Variants in FSIP1 observed in about 807,000 individuals in gnomAD.
FSIP1 encodes the protein fibrous sheath-interacting protein 1.
A neutral mutation model predicts 60.9 loss-of-function variants in FSIP1; 65 were observed. The ratio of observed to expected loss-of-function variants is 1.07; its 90% CI spans 0.87 to 1.31. FSIP1 has a LOEUF of 1.31. Among genes scored for constraint, FSIP1 ranks in the 40% most tolerant of loss-of-function variants. FSIP1 has a pLI of 0.00. For synonymous variants in FSIP1, 209 were observed against 221.2 expected (o/e 0.94, Z 0.49); for missense variants, 675 against 665.5 (o/e 1.01, Z -0.16).
intron 10 of FSIP1, among the ~76,000 whole-genome samples, chr15:39,635,707 A>C (rs551908072): frequency 6.6e-6 from 1 of 152,310 alleles, no homozygotes; most frequent in East Asian, 1.9e-4. Context: ...GAATCCCATT[A>C]TCAGTAGCCA....
chr15:39,663,837 T>G (rs1373752693), intron 10 of FSIP1, among the ~76,000 whole-genome samples: 1 of 152,256 alleles, frequency 6.6e-6, no homozygotes, highest in Admixed American at 6.5e-5. Context: ...AGTGATCCTA[T>G]GCTCTATTTA....
intron 8 of FSIP1, among the ~76,000 whole-genome samples, chr15:39,730,649 C>T (rs1049047659): frequency 1.3e-5 from 2 of 152,136 alleles, no homozygotes; most frequent in African/African-American, 4.8e-5. Flanking sequence ...TGAGTCTTGG[C>T]AGGGGAGGAT....
At chr15:39,709,934 C>G (rs72727050) in intron 10 of FSIP1, among the ~76,000 whole-genome samples, 34,841 of 151,964 alleles carry the variant, frequency 0.23, 5,045 homozygotes, top group African/African-American at 0.39. Flanking sequence ...TTGGCCCAGG[C>G]GTGGGGGACC....
At chr15:39,697,507 T>C (rs1227524571) in intron 10 of FSIP1, among the ~76,000 whole-genome samples, 1 of 152,232 alleles carries the variant, frequency 6.6e-6, no homozygotes, top group Non-Finnish European at 1.5e-5. Context: ...TTCTGAGATA[T>C]TCTAACTTCA....
chr15:39,686,546 C>T (rs544799172), intron 10 of FSIP1, among the ~76,000 whole-genome samples: 6 of 152,308 alleles, frequency 3.9e-5, no homozygotes, highest in Admixed American at 3.3e-4. Context: ...ATATGTGTAA[C>T]TGAATTAAAA....
intron 10 of FSIP1, among the ~76,000 whole-genome samples, chr15:39,639,662 C>T (rs1471765762): frequency 1.3e-5 from 2 of 152,140 alleles, no homozygotes; most frequent in East Asian, 3.9e-4. Context: ...ATAAAGTATA[C>T]AGCAGTATAT....
At chr15:39,710,358 C>A (rs1374162953) in intron 10 of FSIP1, among the ~76,000 whole-genome samples, 3 of 151,236 alleles carry the variant, frequency 2.0e-5, no homozygotes, top group Non-Finnish European at 4.4e-5. Context: ...TGGCACACAC[C>A]TGTAGTCCTA....
chr15:39,727,749 C>T (rs1180640903), intron 8 of FSIP1, among the ~76,000 whole-genome samples: 1 of 152,100 alleles, frequency 6.6e-6, no homozygotes, highest in Non-Finnish European at 1.5e-5. Flanking sequence ...CCACTCTCAC[C>T]ACTCCTATTC....
At chr15:39,753,068 T>C (rs1227792420) in intron 5 of FSIP1, among the ~76,000 whole-genome samples, 1 of 152,158 alleles carries the variant, frequency 6.6e-6, no homozygotes, top group Non-Finnish European at 1.5e-5. Flanking sequence ...AATTTTTAAA[T>C]CTTCATGAAG....
intron 8 of FSIP1, among the ~76,000 whole-genome samples, chr15:39,737,050 C>G (rs888799891): frequency 2.0e-5 from 3 of 151,942 alleles, no homozygotes; most frequent in South Asian, 2.1e-4. Context: ...GGGCAGGGGG[C>G]CAGCAGCATT....
chr15:39,646,677 C>T (rs895251075), intron 10 of FSIP1, among the ~76,000 whole-genome samples: 4 of 147,812 alleles, frequency 2.7e-5, no homozygotes, highest in African/African-American at 1.0e-4. Flanking sequence ...GCATGGGATA[C>T]AGAGTGACAC....
intron 10 of FSIP1, among the ~76,000 whole-genome samples, chr15:39,643,022 T>A (rs1892441101): frequency 6.6e-6 from 1 of 152,240 alleles, no homozygotes; most frequent in Non-Finnish European, 1.5e-5. Flanking sequence ...GCCATACATT[T>A]GAATCAATAA....
intron 10 of FSIP1, among the ~76,000 whole-genome samples, chr15:39,633,271 G>A (rs139818626): frequency 6.6e-6 from 1 of 151,728 alleles, no homozygotes; most frequent in African/African-American, 2.4e-5. Context: ...TGTATTTTTA[G>A]TAGAGACGGG....
At chr15:39,652,200 G>A (rs1011098297) in intron 10 of FSIP1, among the ~76,000 whole-genome samples, 5 of 152,172 alleles carry the variant, frequency 3.3e-5, no homozygotes, top group Non-Finnish European at 7.3e-5. Flanking sequence ...GTCTGAAGGG[G>A]AGGATCGGGC....
At chr15:39,704,890 G>A (rs1386508916) in intron 10 of FSIP1, among the ~76,000 whole-genome samples, 2 of 152,076 alleles carry the variant, frequency 1.3e-5, no homozygotes, top group Non-Finnish European at 2.9e-5. Context: ...TCAGCAACAG[G>A]GCTTAGAGTG....
At chr15:39,705,862 C>G (rs1417271571) in intron 10 of FSIP1, among the ~76,000 whole-genome samples, 3 of 151,800 alleles carry the variant, frequency 2.0e-5, no homozygotes, top group African/African-American at 7.3e-5. Flanking sequence ...GCCGGGTGTG[C>G]TGGTGCATGC....
At chr15:39,617,582 T>C (rs1467956446) in intron 11 of FSIP1, among the ~76,000 whole-genome samples, 153 bp downstream of exon 11, 2 of 152,204 alleles carry the variant, frequency 1.3e-5, no homozygotes, top group African/African-American at 4.8e-5. Flanking sequence ...ATAAGAGCAT[T>C]GGGAAATAGG....
At chr15:39,704,698 T>C (rs1488176145) in intron 10 of FSIP1, among the ~76,000 whole-genome samples, 2 of 152,212 alleles carry the variant, frequency 1.3e-5, no homozygotes, top group East Asian at 1.9e-4. Flanking sequence ...TCTGAATCTA[T>C]AGCATGTGTA....
intron 11 of FSIP1, among the ~76,000 whole-genome samples, chr15:39,616,993 T>TG (rs1034326054): frequency 8.5e-5 from 13 of 152,214 alleles, no homozygotes; most frequent in African/African-American, 3.1e-4. Flanking sequence ...ATTTTGCTCC[T>TG]GGGTGACTAA....
Sources: gnomAD v4.1 joint callset for allele counts (sites outside exome capture counted in the v4.1 genomes callset) on GRCh38, gnomAD v4.1.1 for gene constraint, MANE v1.5 for transcripts, NCBI Gene and HGNC (gene_info 2026-07-23, HGNC 2026-07-21) for gene names.